Variants in APBB2 observed in about 807,000 individuals in gnomAD.
APBB2 encodes amyloid beta precursor protein binding family B member 2, also known as Fe65-like 1.
A neutral mutation model predicts 82.5 loss-of-function variants in APBB2; 38 were observed. The ratio of observed to expected loss-of-function variants is 0.46; its 90% CI spans 0.36 to 0.60. The LOEUF (loss-of-function observed/expected upper bound fraction) is 0.60, where lower values mean the gene tolerates loss of function less well. APBB2 is among the 20% of genes least tolerant of loss of function. APBB2 has a pLI of 0.00. For missense variants in APBB2, 772 were observed against 972.3 expected (o/e 0.79, Z 2.74); for synonymous variants, 341 against 368.2 (o/e 0.93, Z 0.85).
At chr4:40,853,087 G>A (rs1759996274) in intron 12 of APBB2, among the ~76,000 whole-genome samples, 1 of 152,122 alleles carries the variant, frequency 6.6e-6, no homozygotes, top group African/African-American at 2.4e-5. Flanking sequence ...TATGGTCCTA[G>A]ATCACACCCC....
chr4:40,908,537 C>T lies in APBB2; in HGVS notation c.1255-15126G>A, dbSNP rs533460600. Among the ~76,000 whole-genome samples the T allele has an allele frequency of 7.2e-5, 11 of 152,204 alleles. No individual in the cohort carries two copies. In the East Asian group the frequency reaches 1.2e-3, roughly 16 times the overall value. On this transcript the variant is annotated intron_variant, in intron 10 of 17. Coordinates refer to ENST00000508593, the MANE Select transcript of APBB2 (RefSeq NM_004307.2). ...CCTATAATGCCTCTCACCCCATACA[C>T]GTGTGCACAACACGCCTCCTCCCCT...
chr4:40,979,118 T>C (rs1441262737), intron 6 of APBB2, among the ~76,000 whole-genome samples: 1 of 152,226 alleles, frequency 6.6e-6, no homozygotes, highest in African/African-American at 2.4e-5. Flanking sequence ...TAACACTCTC[T>C]AGTTTAAGAA....
intron 6 of APBB2, among the ~76,000 whole-genome samples, chr4:40,994,509 G>C (rs1204880844): frequency 6.6e-6 from 1 of 151,942 alleles, no homozygotes; most frequent in Non-Finnish European, 1.5e-5. Context: ...CTTTAACTCA[G>C]TAGAAAATAT....
chr4:40,849,509 T>C (rs1382967396), intron 12 of APBB2, among the ~76,000 whole-genome samples: 1 of 152,166 alleles, frequency 6.6e-6, no homozygotes, highest in African/African-American at 2.4e-5. Context: ...ATATTTGTAC[T>C]CTTAAGAGAA....
At chr4:40,982,271 AAAG>A (rs1798836820) in intron 6 of APBB2, among the ~76,000 whole-genome samples, 4 of 36,750 alleles carry the variant, frequency 1.1e-4, no homozygotes, top group African/African-American at 4.7e-4. Flanking sequence ...AGAAAGAAAG[AAAG>A]AAAGAAAGAA....
rs139482073 is a variant in APBB2, at chr4:41,211,962, A to G, written c.-417+2443T>C. Among the ~76,000 whole-genome samples, 1,068 of 152,276 alleles carry G rather than the reference A, an allele frequency of 7.0e-3. 11 individuals carry two copies. Among genetic ancestry groups the G allele is most frequent in the Middle Eastern group, 0.048 (14 of 294 alleles). On this transcript the variant is annotated intron_variant, in intron 1 of 17. Coordinates refer to ENST00000508593, the MANE Select transcript of APBB2 (RefSeq NM_004307.2). Reference sequence around the variant, plus strand: ...CAGATCAACCCATCACCTAGGTATTAAGCCCAGTATCTATTAGCTATTCTT... The same window carrying G: ...CAGATCAACCCATCACCTAGGTATTGAGCCCAGTATCTATTAGCTATTCTT...
At chr4:41,150,654 T>C (rs898898442) in intron 1 of APBB2, among the ~76,000 whole-genome samples, 1 of 152,356 alleles carries the variant, frequency 6.6e-6, no homozygotes, top group Non-Finnish European at 1.5e-5. Context: ...TCTCCTATCA[T>C]ACATAGCAGG....
intron 2 of APBB2, among the ~76,000 whole-genome samples, chr4:41,122,265 G>A (rs1753061178): frequency 1.3e-5 from 2 of 152,168 alleles, no homozygotes; most frequent in Admixed American, 1.3e-4. Flanking sequence ...AATGACACTT[G>A]AGGACAGTAC....
At chr4:40,834,137 TTTG>T (rs1484492887) in intron 12 of APBB2, among the ~76,000 whole-genome samples, 1 of 152,118 alleles carries the variant, frequency 6.6e-6, no homozygotes, top group East Asian at 1.9e-4. Context: ...AGCCTTATCT[TTTG>T]TTGTTTCCTC....
intron 6 of APBB2, among the ~76,000 whole-genome samples, chr4:40,953,217 G>A (rs1024584538): frequency 3.4e-5 from 5 of 147,634 alleles, no homozygotes; most frequent in Non-Finnish European, 7.4e-5. Context: ...GGAATCACCT[G>A]AACCTGGGAG....
intron 12 of APBB2, among the ~76,000 whole-genome samples, chr4:40,862,076 A>T (rs1762892545): frequency 6.6e-6 from 1 of 152,234 alleles, no homozygotes; most frequent in Admixed American, 6.5e-5. Flanking sequence ...GATGTCCCCA[A>T]GTAGCATAGA....
intron 12 of APBB2, among the ~76,000 whole-genome samples, chr4:40,863,699 C>G (rs1187874068): frequency 6.6e-6 from 1 of 151,630 alleles, no homozygotes; most frequent in Admixed American, 6.6e-5. Context: ...TCGAGGCCAG[C>G]CTGGCCAACA....
chr4:41,034,166 G>A (rs1367929501), intron 4 of APBB2, among the ~76,000 whole-genome samples: 2 of 152,192 alleles, frequency 1.3e-5, no homozygotes, highest in Admixed American at 6.5e-5. Context: ...ACAAGCTAAC[G>A]TGGATTCTAT....
intron 1 of APBB2, among the ~76,000 whole-genome samples, chr4:41,168,193 C>A (rs1026707958): frequency 6.7e-6 from 1 of 149,510 alleles, no homozygotes; most frequent in African/African-American, 2.5e-5. Flanking sequence ...GGCATGAACC[C>A]GGGAGGCGGA....
chr4:41,191,951 G>C (rs1774567033), intron 1 of APBB2, among the ~76,000 whole-genome samples: 4 of 151,780 alleles, frequency 2.6e-5, no homozygotes. Context: ...TAAATAACCT[G>C]ATAAAAAATG....
intron 6 of APBB2, among the ~76,000 whole-genome samples, chr4:40,963,297 T>TG (rs1252653657): frequency 6.6e-6 from 1 of 152,122 alleles, no homozygotes; most frequent in Non-Finnish European, 1.5e-5. Context: ...CCCAGGCCGG[T>TG]GGGCAGTGGC....
intron 5 of APBB2, among the ~76,000 whole-genome samples, chr4:41,023,087 G>A (rs1019979102): frequency 1.3e-5 from 2 of 152,130 alleles, no homozygotes; most frequent in Non-Finnish European, 2.9e-5. Context: ...CGTGGCTCCC[G>A]AAAGAACAAG....
At chr4:40,869,538 T>C (rs1764893138) in intron 12 of APBB2, among the ~76,000 whole-genome samples, 1 of 151,978 alleles carries the variant, frequency 6.6e-6, no homozygotes, top group African/African-American at 2.4e-5. Flanking sequence ...CAGTGAGCTA[T>C]GATCCTGCCA....
chr4:41,208,423 G>A (rs1424548094), intron 1 of APBB2, among the ~76,000 whole-genome samples: 9 of 152,004 alleles, frequency 5.9e-5, no homozygotes, highest in East Asian at 3.9e-4. Context: ...CACCATGCCC[G>A]GCTAATTTTT....
Sources: allele counts gnomAD v4.1 joint callset (sites outside exome capture counted in the v4.1 genomes callset), GRCh38; gene constraint gnomAD v4.1.1; transcripts MANE v1.5; gene names NCBI Gene and HGNC (gene_info 2026-07-23, HGNC 2026-07-21).